Variants in SEMA3C observed in about 807,000 individuals in gnomAD.
SEMA3C encodes the protein semaphorin 3C, also known as semaphorin-3C.
Under a neutral mutation model 89.4 loss-of-function variants are expected in SEMA3C, and 47 were observed. The ratio of observed to expected loss-of-function variants is 0.53; its 90% CI spans 0.42 to 0.67. The LOEUF (loss-of-function observed/expected upper bound fraction) is 0.67. Ranked by LOEUF, SEMA3C falls within the 30% of genes least tolerant of loss-of-function variation. The pLI is 0.00. For synonymous variants in SEMA3C, 310 were observed against 320.2 expected (o/e 0.97, Z 0.34); for missense variants, 839 against 929.1 (o/e 0.90, Z 1.26).
chr7:80,841,434 G>T (rs1338205000), intron 2 of SEMA3C, among the ~76,000 whole-genome samples: 1 of 152,128 alleles, frequency 6.6e-6, no homozygotes, highest in Non-Finnish European at 1.5e-5. Context: ...ATTACCCTTT[G>T]ATCAAGAATC....
chr7:80,837,712 T>C (rs1227556702), intron 2 of SEMA3C, among the ~76,000 whole-genome samples: 3 of 152,220 alleles, frequency 2.0e-5, no homozygotes, highest in Non-Finnish European at 4.4e-5. Flanking sequence ...ATGTGACCAA[T>C]AGTTTTGATG....
chr7:80,894,346 A>C lies in SEMA3C; in HGVS notation c.103+22333T>G, dbSNP rs78284635. 3.7e-3 allele frequency among the ~76,000 whole-genome samples: 560 copies of C among 149,706 alleles called. 5 individuals are homozygous for C. Among genetic ancestry groups the C allele is most frequent in the Non-Finnish European group, 5.9e-3 (401 of 67,990 alleles). On this transcript the variant is annotated intron_variant, in intron 2 of 17. Transcript: ENST00000265361. ...CCTCCCTAATAACTGAATTATTAATAGTTCTTGATGTGTTACACAATGGTT... is the reference window on the plus strand; with the variant it reads ...CCTCCCTAATAACTGAATTATTAATCGTTCTTGATGTGTTACACAATGGTT...
chr7:80,898,913 GT>G (rs1229580438), intron 2 of SEMA3C, among the ~76,000 whole-genome samples: 1 of 151,770 alleles, frequency 6.6e-6, no homozygotes, highest in Non-Finnish European at 1.5e-5. Flanking sequence ...GCCTAAATTG[GT>G]TTATAGGTGA....
chr7:80,905,979 A>C, intron 2 of SEMA3C: 2 of 983,834 alleles, frequency 2.0e-6, no homozygotes, highest in Non-Finnish European at 2.8e-6. Context: ...TGAATAATAA[A>C]ACCTCTTTGT....
At chr7:80,820,844 C>T (rs952657455) in intron 4 of SEMA3C, among the ~76,000 whole-genome samples, 2 of 152,014 alleles carry the variant, frequency 1.3e-5, no homozygotes, top group Non-Finnish European at 2.9e-5. Context: ...TTTTCACATT[C>T]AAGTTTAGTC....
At chr7:80,802,133 T>C (rs575752511) in intron 9 of SEMA3C, among the ~76,000 whole-genome samples, 6 of 152,236 alleles carry the variant, frequency 3.9e-5, no homozygotes, top group African/African-American at 1.4e-4. Context: ...TCAGTCCTTA[T>C]TCGACCTGGA....
intron 2 of SEMA3C, among the ~76,000 whole-genome samples, chr7:80,833,672 G>A (rs1562897035): frequency 6.6e-6 from 1 of 151,948 alleles, no homozygotes; most frequent in Non-Finnish European, 1.5e-5. Context: ...CTTCAGAAGT[G>A]CCCTTGTTGT....
At chr7:80,830,454 T>A (rs567368734) in intron 2 of SEMA3C, among the ~76,000 whole-genome samples, 1 of 152,200 alleles carries the variant, frequency 6.6e-6, no homozygotes, top group African/African-American at 2.4e-5. Flanking sequence ...AATAGATGTA[T>A]GTTTTCCTAC....
At chr7:80,778,485 C>T (rs13224811) in intron 12 of SEMA3C, among the ~76,000 whole-genome samples, 47,000 of 151,962 alleles carry the variant, frequency 0.31, 8,215 homozygotes, top group South Asian at 0.39. Flanking sequence ...TTTTCTTGCA[C>T]CATTTTTTAT....
At chr7:80,871,737 G>C (rs2116050048) in intron 2 of SEMA3C, among the ~76,000 whole-genome samples, 1 of 152,186 alleles carries the variant, frequency 6.6e-6, no homozygotes, top group South Asian at 2.1e-4. Context: ...TTTAGTGTTT[G>C]ATATGTATTT....
At chr7:80,830,798 C>A (rs920773882) in intron 2 of SEMA3C, among the ~76,000 whole-genome samples, 18 of 152,004 alleles carry the variant, frequency 1.2e-4, no homozygotes, top group African/African-American at 4.8e-5. Context: ...GCAGGTGGTG[C>A]CACAGCCCAA....
rs766096413 is a variant in SEMA3C at position 80,828,740 on chromosome 7, G to C, written c.109C>G (p.Arg37Gly). 1 of 1,604,026 alleles carries C rather than the reference G, an allele frequency of 6.2e-7. No homozygotes were observed. The highest frequency in any genetic ancestry group is 1.3e-5 in the African/African-American group (1 of 74,698). ...ARVYLTFDELRETKTSEYFSL... is the reference protein window; with the variant it reads ...ARVYLTFDELGETKTSEYFSL... ...AAGTATTCAGAGGTCTTGGTTTCTC[G>C]AAGTTCTGAAAGAGTGAACAGCACA... The change falls in exon 3 of 18, where the codon CGA (arginine) becomes GGA (glycine). Residue 37 changes from arginine (R) to glycine (G), a missense_variant. Arg to Gly is a moderately radical substitution (Grantham distance 125). Coordinates refer to ENST00000265361, the MANE Select transcript of SEMA3C (RefSeq NM_006379.5).
At chr7:80,914,682 A>G (rs1457098119) in intron 2 of SEMA3C, among the ~76,000 whole-genome samples, 4 of 152,136 alleles carry the variant, frequency 2.6e-5, no homozygotes, top group Non-Finnish European at 1.5e-5. Context: ...TACACCTGAG[A>G]AGAACAAAAT....
At chr7:80,811,480 T>C (rs1316849923) in intron 5 of SEMA3C, among the ~76,000 whole-genome samples, 1 of 152,052 alleles carries the variant, frequency 6.6e-6, no homozygotes, top group Non-Finnish European at 1.5e-5. Flanking sequence ...CAAGAAGAAA[T>C]ATCTTGTCAG....
intron 13 of SEMA3C, 68 bp downstream of exon 13, chr7:80,765,087 G>A (rs1224878653): frequency 2.9e-6 from 3 of 1,031,056 alleles, no homozygotes; most frequent in Non-Finnish European, 4.3e-6. Flanking sequence ...TTCCTCCCAA[G>A]TGGCTGTAAG....
At chr7:80,774,904 C>T (rs1224589595) in intron 12 of SEMA3C, among the ~76,000 whole-genome samples, 1 of 151,384 alleles carries the variant, frequency 6.6e-6, no homozygotes, top group African/African-American at 2.4e-5. Flanking sequence ...GGAGTCAAAC[C>T]CTGGCATATT....
intron 12 of SEMA3C, among the ~76,000 whole-genome samples, chr7:80,778,615 G>C (rs1788621275): frequency 6.6e-6 from 1 of 152,172 alleles, no homozygotes. Context: ...CTCTCAGAAT[G>C]TGGTCATCAA....
intron 12 of SEMA3C, among the ~76,000 whole-genome samples, chr7:80,778,138 C>T (rs1172508423): frequency 2.0e-5 from 3 of 152,130 alleles, no homozygotes; most frequent in African/African-American, 7.2e-5. Flanking sequence ...CCATTATTTC[C>T]TGTGATATAG....
At chr7:80,775,512 G>A (rs1788527652) in intron 12 of SEMA3C, among the ~76,000 whole-genome samples, 1 of 151,934 alleles carries the variant, frequency 6.6e-6, no homozygotes, top group Admixed American at 6.6e-5. Flanking sequence ...TATTAAGTAG[G>A]GAATTATATT....
Sources: allele counts gnomAD v4.1 joint callset (sites outside exome capture counted in the v4.1 genomes callset), GRCh38; gene constraint gnomAD v4.1.1; transcripts MANE v1.5; gene names NCBI Gene and HGNC (gene_info 2026-07-23, HGNC 2026-07-21).